The following DHX34 variants were observed in gnomAD, a reference collection of about 807,000 sequenced individuals.
The protein encoded by DHX34 is probable ATP-dependent RNA helicase DHX34.
A neutral mutation model predicts 111.1 loss-of-function variants in DHX34; 96 were observed. That is an observed-to-expected ratio of 0.86 (90% CI 0.73 to 1.02). The LOEUF (loss-of-function observed/expected upper bound fraction) is 1.02. Ranked by LOEUF, DHX34 falls within the 50% of genes least tolerant of loss-of-function variation. The pLI is 0.00. For synonymous variants in DHX34, 688 were observed against 670.4 expected (o/e 1.03, Z -0.41); for missense variants, 1,560 against 1,579.9 (o/e 0.99, Z 0.21).
At position 47,355,346 on chromosome 19, in the gene DHX34, T is replaced by G. The variant is rs542850010; in HGVS notation, c.1013T>G (p.Ile338Ser). The change falls in exon 3 of 17, where the codon ATC (isoleucine) becomes AGC (serine). Residue 338 changes from isoleucine (I) to serine (S), a missense_variant. By Grantham distance (142) the Ile-to-Ser change is moderately radical. Coordinates refer to ENST00000328771, the MANE Select transcript of DHX34 (RefSeq NM_014681.6). ...CAGGTGCCTGGGAGGCTGTTCCCCATCACGGTGAGTACTTCCCCCTCCTCC... is the reference window on the plus strand; with the variant it reads ...CAGGTGCCTGGGAGGCTGTTCCCCAGCACGGTGAGTACTTCCCCCTCCTCC... The part of the protein sequence containing the change: ...VVQVPGRLFP[I>S]TVVYQPQEAE... The G allele has an allele frequency of 4.1e-4, 661 of 1,612,258 alleles. 4 individuals carry two copies. In the South Asian group the frequency reaches 6.8e-3, roughly 17 times the overall value.
At chr19:47,359,785 G>A (rs1160711407) in intron 4 of DHX34, 183 bp from the exon 5 acceptor site, 1 of 939,792 alleles carries the variant, frequency 1.1e-6, no homozygotes, top group Non-Finnish European at 1.3e-6. Context: ...CCGTCTGAGG[G>A]TGGGGGAGGG....
At position 47,380,878 on chromosome 19, in the gene DHX34, G is replaced by T. The variant is rs1223157027; in HGVS notation, c.3045G>T (p.Gln1015His). Residue 1015 changes from glutamine (Q) to histidine (H), a missense_variant, in exon 15 of 17, where the codon CAG becomes CAT. Coordinates refer to ENST00000328771, the MANE Select transcript of DHX34 (RefSeq NM_014681.6). ...LEVQNMYVGP[Q>H]TIPATPHLPG... is the part of the protein sequence containing the mutation. ...TCCAGAACATGTATGTGGGACCCCA[G>T]ACCATCCCAGCCACCCCCCATCTTC... is the stretch of plus-strand genomic sequence containing the variant. The T allele has an allele frequency of 6.2e-7, 1 of 1,613,760 alleles. No homozygotes were observed. Among genetic ancestry groups the T allele is most frequent in the Non-Finnish European group, 8.5e-7 (1 of 1,179,898 alleles).
chr19:47,377,914 C>T (rs918999442), intron 13 of DHX34, among the ~76,000 whole-genome samples: 2 of 152,128 alleles, frequency 1.3e-5, no homozygotes, highest in Non-Finnish European at 2.9e-5. Context: ...CAGCCACTGC[C>T]CTGCCCCTAG....
intron 2 of DHX34, among the ~76,000 whole-genome samples, chr19:47,354,369 C>T (rs1314520887): frequency 6.6e-6 from 1 of 152,172 alleles, no homozygotes; most frequent in Non-Finnish European, 1.5e-5. Flanking sequence ...GGTTGATATA[C>T]ATAAAGCACT....
Position 47,376,575 on chromosome 19 carries a change from G to A in DHX34, c.2599+15G>A. On this transcript the variant is annotated intron_variant, in intron 12 of 16. Coordinates refer to ENST00000328771, the MANE Select transcript of DHX34 (RefSeq NM_014681.6). ...CGGAAGCCGAGGTACAGTGAGCCCA[G>A]GCGGAAGGAACCCCCATCCGGGATG... The A allele has an allele frequency of 6.5e-7, 1 of 1,550,348 alleles. No individual in the cohort carries two copies. Among genetic ancestry groups the A allele is most frequent in the Non-Finnish European group, 8.7e-7 (1 of 1,147,616 alleles).
chr19:47,360,829 G>A (rs537567483), intron 5 of DHX34, among the ~76,000 whole-genome samples: 3 of 151,938 alleles, frequency 2.0e-5, no homozygotes, highest in African/African-American at 7.3e-5. Flanking sequence ...GCATCACCAC[G>A]CCCGGCTAAT....
chr19:47,377,103 A>G lies in DHX34; in HGVS notation c.2603A>G (p.Asp868Gly), dbSNP rs1250831730. The G allele has an allele frequency of 4.3e-6, 7 of 1,613,982 alleles. No individual in the cohort carries two copies. Among genetic ancestry groups the G allele is most frequent in the Non-Finnish European group, 5.9e-6 (7 of 1,179,948 alleles). Residue 868 changes from aspartate to glycine, a missense_variant, in exon 13 of 17, where the codon GAC becomes GGC. Physicochemically the swap from Asp to Gly is moderately conservative, Grantham distance 94. Coordinates refer to ENST00000328771, the MANE Select transcript of DHX34 (RefSeq NM_014681.6). Reference sequence around the variant, plus strand: ...GCGGTCCTCCTCAACCTTTCAGACGACAAGGACAAGATGAGCAGCAAACAC... The same window carrying G: ...GCGGTCCTCCTCAACCTTTCAGACGGCAAGGACAAGATGAGCAGCAAACAC... ...EASNCDGSRD[D>G]KDKMSSKHQL...
At chr19:47,373,492 C>T (rs868656394) in intron 8 of DHX34, 107 bp from the exon 9 acceptor site, 17 of 1,481,568 alleles carry the variant, frequency 1.1e-5, no homozygotes, top group Middle Eastern at 2.4e-4. Flanking sequence ...AGCAGGAGAG[C>T]AGGTGTCCCT....
chr19:47,379,267 C>A (rs1568408207), intron 13 of DHX34, among the ~76,000 whole-genome samples: 1 of 152,210 alleles, frequency 6.6e-6, no homozygotes, highest in Non-Finnish European at 1.5e-5. Flanking sequence ...ATGGCCAGTC[C>A]TGCCCTTTCC....
intron 7 of DHX34, among the ~76,000 whole-genome samples, chr19:47,368,982 A>G (rs1378212808): frequency 6.6e-6 from 1 of 152,112 alleles, no homozygotes; most frequent in Non-Finnish European, 1.5e-5. Flanking sequence ...TGTTCAAGCA[A>G]TTCTCCTGCC....
chr19:47,380,116 G>A, intron 14 of DHX34, 131 bp downstream of exon 14: 2 of 1,405,418 alleles, frequency 1.4e-6, no homozygotes, highest in Non-Finnish European at 9.4e-7. Context: ...AGGCCACAGA[G>A]GTTCAGTCAC....
Position 47,368,639 on chromosome 19 carries a change from T to C in DHX34, c.1768+1484T>C, listed in dbSNP as rs539294725. ...GTGTGTGTGTGTGTGTGTATATATA[T>C]ACACACACACACACACACACACATA... is the stretch of plus-strand genomic sequence containing the variant. On this transcript the variant is annotated intron_variant, in intron 7 of 16. Coordinates refer to ENST00000328771, the MANE Select transcript of DHX34 (RefSeq NM_014681.6). 7.9e-3 allele frequency among the ~76,000 whole-genome samples: 1,153 copies of C among 145,732 alleles called. 6 individuals are homozygous for C. The highest frequency in any genetic ancestry group is 0.015 in the African/African-American group (613 of 39,984).
Position 47,373,659 on chromosome 19 carries a change from C to T in DHX34, c.2023C>T (p.His675Tyr). The T allele has an allele frequency of 6.2e-7, 1 of 1,614,078 alleles. No individual in the cohort carries two copies. The highest frequency in any genetic ancestry group is 8.5e-7 in the Non-Finnish European group (1 of 1,180,002). Residue 675 changes from histidine to tyrosine, a missense_variant, in exon 9 of 17, where the codon CAT becomes TAT. Physicochemically the swap from His to Tyr is moderately conservative, Grantham distance 83 (BLOSUM62 2). Transcript: ENST00000328771. ...KWCRRRGIEE[H>Y]RLYEMANLRR... ...GTGCCGCCGCCGGGGCATAGAGGAGCATCGACTGTACGAAATGGCCAACCT... is the reference window on the plus strand; with the variant it reads ...GTGCCGCCGCCGGGGCATAGAGGAGTATCGACTGTACGAAATGGCCAACCT...
chr19:47,357,810 A>G (rs1376388654), intron 3 of DHX34, 56 bp from the exon 4 acceptor site: 18 of 1,567,810 alleles, frequency 1.1e-5, no homozygotes, highest in Admixed American at 3.6e-5. Flanking sequence ...TCCCCAGCCC[A>G]TTGCTCTGAG....
intron 13 of DHX34, 176 bp from the exon 14 acceptor site, chr19:47,379,534 A>G (rs1224530268): frequency 2.1e-6 from 2 of 974,076 alleles, no homozygotes; most frequent in East Asian, 1.1e-4. Flanking sequence ...TGCCTTGTTC[A>G]TGCCGTATCC....
At position 47,373,687 on chromosome 19, in the gene DHX34, G is replaced by T; in HGVS notation, c.2051G>T (p.Arg684Leu). The change falls in exon 9 of 17, where the codon CGG becomes CTG. Residue 684 changes from arginine to leucine, a missense_variant. Coordinates refer to ENST00000328771, the MANE Select transcript of DHX34 (RefSeq NM_014681.6). ...EHRLYEMANL[R>L]RQFKELLEDH... Reference sequence around the variant, plus strand: ...CGACTGTACGAAATGGCCAACCTTCGGCGCCAGTTCAAGGTGAGGCTCGGG... The same window carrying T: ...CGACTGTACGAAATGGCCAACCTTCTGCGCCAGTTCAAGGTGAGGCTCGGG... 3 of 1,613,734 alleles carry T rather than the reference G, an allele frequency of 1.9e-6. No homozygotes were observed. The South Asian group carries it at 3.3e-5, about 18-fold the overall frequency.
At chr19:47,354,303 A>T (rs1431618897) in intron 2 of DHX34, among the ~76,000 whole-genome samples, 2 of 152,154 alleles carry the variant, frequency 1.3e-5, no homozygotes, top group African/African-American at 2.4e-5. Flanking sequence ...GCAAACTGCC[A>T]TCTTGGAAGG....
Position 47,353,421 on chromosome 19 carries a change from G to A in DHX34, c.391G>A (p.Ala131Thr). The A allele has an allele frequency of 6.2e-7, 1 of 1,614,174 alleles. No homozygotes were observed. The highest frequency in any genetic ancestry group is 1.1e-5 in the South Asian group (1 of 91,086). ...LGRHLPAERVAEFRRALLHYL... is the reference protein window; with the variant it reads ...LGRHLPAERVTEFRRALLHYL... ...CAGGCACTTGCCCGCGGAGAGAGTG[G>A]CTGAGTTCCGCCGAGCCCTGTTGCA... is the stretch of plus-strand genomic sequence containing the variant. The change falls in exon 2 of 17, where the codon GCT becomes ACT. Residue 131 changes from alanine (A) to threonine (T), a missense_variant. Physicochemically the swap from Ala to Thr is moderately conservative, Grantham distance 58. Coordinates refer to ENST00000328771, the MANE Select transcript of DHX34 (RefSeq NM_014681.6). The surrounding 1 kb of genome is among the most constrained non-coding windows in gnomAD (Gnocchi z 4.6).
intron 6 of DHX34, 103 bp downstream of exon 6, chr19:47,362,796 C>A: frequency 9.0e-7 from 1 of 1,115,420 alleles, no homozygotes; most frequent in Non-Finnish European, 1.2e-6. Context: ...TTTGAGATAG[C>A]GTCTTGCTCT....
Sources: allele counts gnomAD v4.1 joint callset (sites outside exome capture counted in the v4.1 genomes callset), GRCh38; gene constraint gnomAD v4.1.1; non-coding constraint Gnocchi (gnomAD v3.1); transcripts MANE v1.5; gene names NCBI Gene and HGNC (gene_info 2026-07-23, HGNC 2026-07-21).